ERAP2: variants seen among roughly 807,000 people sequenced by gnomAD.
ERAP2 encodes the protein leukocyte-derived arginine aminopeptidase.
ERAP2 carries 118 observed loss-of-function variants against 111.1 expected under a neutral mutation model. The observed-to-expected ratio is 1.06, with a 90% CI of 0.92 to 1.24. The LOEUF is 1.24. ERAP2 is among the 50% of genes most tolerant of loss of function. The pLI is 0.00. For synonymous variants in ERAP2, 410 were observed against 401.2 expected (o/e 1.02, Z -0.26); for missense variants, 1,131 against 1,125.8 (o/e 1.00, Z -0.07).
chr5:96,900,900 G>C (rs1391368312), intron 10 of ERAP2, among the ~76,000 whole-genome samples: 2 of 152,002 alleles, frequency 1.3e-5, no homozygotes, highest in African/African-American at 2.4e-5. Context: ...ACTGACCTCA[G>C]GCAATTCGCC....
At position 96,900,378 on chromosome 5, in the gene ERAP2, C is replaced by T. The variant is rs548502230; in HGVS notation, c.1572+189C>T. The T allele has an allele frequency of 3.9e-5, 34 of 882,728 alleles. No homozygotes were observed. In the African/African-American group the frequency reaches 4.5e-4, roughly 12 times the overall value. The allele number at this position is 882,728 out of a possible 1,614,324, so 54.7% of individuals were successfully genotyped here. ...ATTTAGGGGGACAATGCTGTTGCTA[C>T]TATATTTTTGTTGTTATAGTTCGGC... On this transcript the variant is annotated intron_variant, in intron 10 of 18. Transcript: ENST00000437043.
chr5:96,886,576 C>G (rs1783741394), intron 3 of ERAP2, 79 bp from the exon 4 acceptor site: 1 of 1,284,108 alleles, frequency 7.8e-7, no homozygotes, highest in Non-Finnish European at 1.0e-6. Context: ...TTGCCTCTAA[C>G]TCACCTGCCA....
intron 18 of ERAP2, among the ~76,000 whole-genome samples, chr5:96,917,135 C>T (rs1273161417): frequency 1.3e-5 from 2 of 152,122 alleles, no homozygotes; most frequent in African/African-American, 4.8e-5. Context: ...TTGAAACTGC[C>T]TCGCTCTGTC....
intron 13 of ERAP2, among the ~76,000 whole-genome samples, chr5:96,905,415 T>C (rs192011868): frequency 6.6e-6 from 1 of 152,244 alleles, no homozygotes; most frequent in Non-Finnish European, 1.5e-5. Context: ...TGAGTCTAAT[T>C]TCTAGTTGTT....
At chr5:96,905,112 A>G (rs1303242060) in intron 13 of ERAP2, among the ~76,000 whole-genome samples, 1 of 152,210 alleles carries the variant, frequency 6.6e-6, no homozygotes, top group Non-Finnish European at 1.5e-5. Context: ...CTTACTCAAT[A>G]AATGTCAGCT....
chr5:96,899,318 A>G (rs1204637262), intron 9 of ERAP2, among the ~76,000 whole-genome samples: 1 of 152,198 alleles, frequency 6.6e-6, no homozygotes. Flanking sequence ...TAAAGGTCCT[A>G]GATTTTGACC....
At chr5:96,893,625 G>A (rs1784593870) in intron 6 of ERAP2, among the ~76,000 whole-genome samples, 1 of 152,030 alleles carries the variant, frequency 6.6e-6, no homozygotes, top group Non-Finnish European at 1.5e-5. Context: ...GCTCCCTCTG[G>A]CCCTCCCTTT....
At chr5:96,900,580 A>C in intron 10 of ERAP2, among the ~76,000 whole-genome samples, 1 of 152,204 alleles carries the variant, frequency 6.6e-6, no homozygotes, top group East Asian at 1.9e-4. Context: ...TAGAATCACT[A>C]CAGGAAAGAG....
rs1241381983 is a variant in ERAP2, at chr5:96,918,584, C to CA, written c.*980dup. The CA allele has an allele frequency of 6.6e-6, 1 of 151,782 alleles. No homozygotes were observed. The highest frequency in any genetic ancestry group is 1.5e-5 in the Non-Finnish European group (1 of 68,006). The allele number at this position is 151,782 out of a possible 1,614,324, so 9.4% of individuals were successfully genotyped here. A position where few individuals can be genotyped will look rare whatever the true frequency, so the allele number is the denominator to read the frequency against. ...ATGGTCAAATGAATAAATCTGCCCTCACAGAGATACAAAAGGAAAAGGAAT... is the reference window on the plus strand; with the variant it reads ...ATGGTCAAATGAATAAATCTGCCCTCAACAGAGATACAAAAGGAAAAGGAAT... On this transcript the variant is annotated 3_prime_UTR_variant, in exon 19 of 19. Coordinates refer to ENST00000437043, the MANE Select transcript of ERAP2 (RefSeq NM_022350.5).
At chr5:96,891,515 A>G (rs1486615145) in intron 5 of ERAP2, among the ~76,000 whole-genome samples, 1 of 30,116 alleles carries the variant, frequency 3.3e-5, no homozygotes, top group African/African-American at 1.3e-4. Context: ...ATATATATAT[A>G]TGCCCATATA....
chr5:96,886,503 A>C, intron 3 of ERAP2, 152 bp from the exon 4 acceptor site: 1 of 467,938 alleles, frequency 2.1e-6, no homozygotes. Flanking sequence ...GAGAGGCTAC[A>C]GAATACTAGG....
At position 96,912,500 on chromosome 5, in the gene ERAP2, C is replaced by T. The variant is rs548647885; in HGVS notation, c.2355-137C>T. The T allele has an allele frequency of 2.0e-4, 104 of 529,148 alleles. No homozygotes were observed. The East Asian group carries it at 3.5e-3, about 18-fold the overall frequency. 32.8% of individuals were successfully genotyped at this position (529,148 alleles called of 1,614,324 possible). ...CACATAAAATATTTTTATAAGAGTT[C>T]GGCAGAGAAAAAGATTTAATACATT... is the stretch of plus-strand genomic sequence containing the variant. On this transcript the variant is annotated intron_variant, in intron 15 of 18. Coordinates refer to ENST00000437043, the MANE Select transcript of ERAP2 (RefSeq NM_022350.5).
At chr5:96,904,971 G>A (rs2112286564) in intron 13 of ERAP2, among the ~76,000 whole-genome samples, 1 of 151,916 alleles carries the variant, frequency 6.6e-6, no homozygotes, top group Admixed American at 6.6e-5. Flanking sequence ...TTTTGAGCTT[G>A]GACAAGTTTT....
At chr5:96,881,781 G>C (rs1204189128) in intron 2 of ERAP2, among the ~76,000 whole-genome samples, 1 of 152,140 alleles carries the variant, frequency 6.6e-6, no homozygotes, top group Admixed American at 6.5e-5. Flanking sequence ...ACACGGGGGA[G>C]AGATAAGGGC....
intron 13 of ERAP2, 37 bp from the exon 14 acceptor site, chr5:96,908,924 A>T: frequency 6.3e-7 from 1 of 1,586,916 alleles, no homozygotes; most frequent in Non-Finnish European, 8.6e-7. Context: ...AAACTATAAG[A>T]TATGCACAAA....
intron 15 of ERAP2, 32 bp downstream of exon 15, chr5:96,909,796 C>G (rs1311884652): frequency 1.9e-6 from 3 of 1,598,844 alleles, no homozygotes; most frequent in Non-Finnish European, 2.6e-6. Flanking sequence ...ACCCTTTGTT[C>G]TTTTCTCTTT....
rs769322089 is a variant in ERAP2 at position 96,917,592 on chromosome 5, T to C, written c.2870T>C (p.Met957Thr). The C allele has an allele frequency of 1.9e-6, 3 of 1,612,938 alleles. No individual in the cohort carries two copies. The highest frequency in any genetic ancestry group is 1.7e-4 in the Middle Eastern group (1 of 6,052). The part of the protein sequence containing the change: ...KNLPTLRTWL[M>T]VNT ...CTTCCGACTCTGAGGACTTGGCTAA[T>C]GGTTAATACTTAAATGGTCAATAGA... The change falls in exon 19 of 19, where the codon ATG becomes ACG. Residue 957 changes from methionine (M) to threonine (T), a missense_variant. By Grantham distance (81) the Met-to-Thr change is moderately conservative (BLOSUM62 -1). Around this residue, in one of 3 missense-constraint regions of ERAP2, gnomAD observed 279 missense variants for 250.9 expected, o/e 1.11. Coordinates refer to ENST00000437043, the MANE Select transcript of ERAP2 (RefSeq NM_022350.5).
At chr5:96,899,409 T>C (rs1350369903) in intron 9 of ERAP2, among the ~76,000 whole-genome samples, 1 of 152,220 alleles carries the variant, frequency 6.6e-6, no homozygotes, top group Non-Finnish European at 1.5e-5. Context: ...TTGTGTCACA[T>C]AAAGTCAATT....
chr5:96,882,169 A>C (rs1783203272), intron 2 of ERAP2, among the ~76,000 whole-genome samples: 1 of 152,156 alleles, frequency 6.6e-6, no homozygotes, highest in Non-Finnish European at 1.5e-5. Flanking sequence ...CAGGCTCAGC[A>C]CAGTATTGGA....
Sources: allele counts gnomAD v4.1 joint callset (sites outside exome capture counted in the v4.1 genomes callset), GRCh38; gene constraint gnomAD v4.1.1; regional missense constraint gnomAD v4.1.1; transcripts MANE v1.5; gene names NCBI Gene and HGNC (gene_info 2026-07-23, HGNC 2026-07-21).